The following KIF15 variants were observed in gnomAD, a reference collection of about 807,000 sequenced individuals.
KIF15 encodes kinesin-like protein KIF15.
KIF15 carries 140 observed loss-of-function variants against 190.6 expected under a neutral mutation model. That is an observed-to-expected ratio of 0.73 (90% CI 0.64 to 0.84). KIF15 has a LOEUF of 0.84. Ranked by LOEUF, KIF15 falls within the 40% of genes least tolerant of loss-of-function variation. KIF15 has a pLI of 0.00. For missense variants in KIF15, 1,372 were observed against 1,584.4 expected, an observed-to-expected ratio of 0.87 and a Z score of 2.28; for synonymous variants, 528 against 551.3, an observed-to-expected ratio of 0.96 and a Z score of 0.59.
intron 17 of KIF15, 46 bp downstream of exon 17, chr3:44,811,089 A>G: frequency 7.2e-7 from 1 of 1,384,138 alleles, no homozygotes; most frequent in East Asian, 2.3e-5. Context: ...CATCCATTTA[A>G]ATACATTTGC....
At chr3:44,786,646 A>G in intron 7 of KIF15, 72 bp downstream of exon 7, 2 of 1,311,882 alleles carry the variant, frequency 1.5e-6, no homozygotes, top group South Asian at 1.7e-5. Flanking sequence ...AACTCCAAAA[A>G]GTGACAATTG....
intron 6 of KIF15, chr3:44,863,197 T>G (rs1221589951): frequency 4.0e-5 from 6 of 151,210 alleles, no homozygotes; most frequent in African/African-American, 1.5e-4. Context: ...GCCAAAAAAT[T>G]GAACACCCTG....
chr3:44,789,713 G>T, intron 7 of KIF15, among the ~76,000 whole-genome samples: 1 of 130,090 alleles, frequency 7.7e-6, no homozygotes, highest in African/African-American at 3.0e-5. Flanking sequence ...ATACACATAT[G>T]GAAACACAAC....
intron 24 of KIF15, among the ~76,000 whole-genome samples, chr3:44,829,312 G>A (rs772298750): frequency 6.6e-4 from 99 of 149,416 alleles, no homozygotes; most frequent in Non-Finnish European, 1.3e-3. Flanking sequence ...AGCCGAGATC[G>A]CGCCACTGCA....
intron 14 of KIF15, among the ~76,000 whole-genome samples, chr3:44,803,303 A>G (rs1707362069): frequency 1.3e-5 from 2 of 152,338 alleles, no homozygotes; most frequent in Admixed American, 1.3e-4. Context: ...AGTATTTGAA[A>G]TGAAAAGTCT....
intron 6 of KIF15, 71 bp downstream of exon 6, chr3:44,785,013 C>T (rs1457154172): frequency 1.3e-6 from 1 of 746,656 alleles, no homozygotes; most frequent in African/African-American, 1.8e-5. Flanking sequence ...TGATAATTAG[C>T]TCATGATACA....
chr3:44,829,510 C>A (rs1420055104), intron 24 of KIF15, among the ~76,000 whole-genome samples: 2 of 37,138 alleles, frequency 5.4e-5, no homozygotes, highest in Admixed American at 3.2e-4. Context: ...ATAATATACG[C>A]ATATATATTA....
chr3:44,838,314 C>A lies in KIF15; in HGVS notation c.3211C>A (p.Gln1071Lys). 2 of 1,613,864 alleles carry A rather than the reference C, an allele frequency of 1.2e-6. No homozygotes were observed. Among genetic ancestry groups the A allele is most frequent in the Non-Finnish European group, 1.7e-6 (2 of 1,179,908 alleles). Residue 1071 changes from glutamine (Q) to lysine (K), a missense_variant, in exon 27 of 35, where the codon CAG (glutamine) becomes AAG (lysine). Physicochemically the swap from Gln to Lys is moderately conservative, Grantham distance 53. Coordinates refer to ENST00000326047, the MANE Select transcript of KIF15 (RefSeq NM_020242.3). ...TGAGGACCTGGCTCATGCCACTGAG[C>A]AGCTGAACATGCTCACAGAGGCCTC... ...LCEDLAHATE[Q>K]LNMLTEASKK...
At chr3:44,775,176 G>T in intron 2 of KIF15, 78 bp from the exon 3 acceptor site, 1 of 1,102,404 alleles carries the variant, frequency 9.1e-7, no homozygotes, top group Non-Finnish European at 1.3e-6. Context: ...AAACATTATA[G>T]GCAATATGAG....
chr3:44,774,576 C>A, intron 2 of KIF15, 139 bp downstream of exon 2: 1 of 676,412 alleles, frequency 1.5e-6, no homozygotes, highest in Non-Finnish European at 2.5e-6. Context: ...GGGAAAACTG[C>A]ATATTACCTC....
intron 26 of KIF15, 134 bp from the exon 27 acceptor site, chr3:44,838,141 A>T: frequency 1.2e-6 from 1 of 814,318 alleles, no homozygotes; most frequent in Non-Finnish European, 1.9e-6. Flanking sequence ...CTTAGAATGG[A>T]TTAGCACACA....
At chr3:44,809,569 G>A (rs1031220806) in intron 16 of KIF15, among the ~76,000 whole-genome samples, 3 of 152,032 alleles carry the variant, frequency 2.0e-5, no homozygotes, top group Admixed American at 6.6e-5. Context: ...ATACAGCTAG[G>A]CATAGTGGCT....
chr3:44,840,312 C>T (rs1221629150), intron 27 of KIF15, 43 bp from the exon 28 acceptor site: 2 of 1,139,686 alleles, frequency 1.8e-6, no homozygotes, highest in Admixed American at 4.5e-5. Context: ...CCATGTACCC[C>T]ATATTACTAA....
chr3:44,795,653 T>A (rs1706940316), intron 8 of KIF15, among the ~76,000 whole-genome samples: 1 of 146,666 alleles, frequency 6.8e-6, no homozygotes, highest in Non-Finnish European at 1.5e-5. Context: ...CCAGAGGTTC[T>A]ATGTAATATG....
chr3:44,828,383 C>A (rs1697794331), intron 24 of KIF15, 83 bp downstream of exon 24: 4 of 918,478 alleles, frequency 4.4e-6, no homozygotes, highest in South Asian at 2.8e-5. Context: ...CCTCTTCTTG[C>A]ACCTCCAGGG....
intron 7 of KIF15, among the ~76,000 whole-genome samples, chr3:44,791,050 T>C (rs1706675177): frequency 6.6e-6 from 1 of 152,228 alleles, no homozygotes; most frequent in African/African-American, 2.4e-5. Flanking sequence ...TTTTTTTAAC[T>C]GCTCATGACA....
At chr3:44,816,431 C>T (rs534127792) in intron 20 of KIF15, among the ~76,000 whole-genome samples, 18 of 151,400 alleles carry the variant, frequency 1.2e-4, no homozygotes, top group African/African-American at 3.9e-4. Flanking sequence ...TGATGTTCCC[C>T]GCCCTGTGTC....
intron 7 of KIF15, among the ~76,000 whole-genome samples, chr3:44,788,044 G>A (rs2372831): frequency 0.58 from 88,500 of 151,468 alleles, 26,290 homozygotes; most frequent in East Asian, 0.88. Context: ...CAGGAGAGAC[G>A]GTTTCACCAT....
In KIF15 at chr3:44,805,921, G is replaced by A; in HGVS notation, c.1906G>A (p.Ala636Thr). Reference protein sequence around the residue: ...ANLNLENLLEATKACKRQEVS... With the variant: ...ANLNLENLLETTKACKRQEVS... The stretch of plus-strand genomic sequence containing the variant: ...CCTTAATCTTGAAAACCTTTTGGAA[G>A]CAACAAAAGCCTGCAAGCGGCAAGA... The change falls in exon 16 of 35, where the codon GCA becomes ACA. Residue 636 changes from alanine (A) to threonine (T), a missense_variant. Physicochemically the swap from Ala to Thr is moderately conservative, Grantham distance 58. Coordinates refer to ENST00000326047, the MANE Select transcript of KIF15 (RefSeq NM_020242.3). 2 of 1,614,098 alleles carry A rather than the reference G, an allele frequency of 1.2e-6. No individual in the cohort carries two copies. The highest frequency in any genetic ancestry group is 3.3e-4 in the Middle Eastern group (2 of 6,062).
Sources: gnomAD v4.1 joint callset for allele counts (sites outside exome capture counted in the v4.1 genomes callset) on GRCh38, gnomAD v4.1.1 for gene constraint, MANE v1.5 for transcripts, NCBI Gene and HGNC (gene_info 2026-07-23, HGNC 2026-07-21) for gene names.